Variants in ITGBL1 observed in about 807,000 individuals in gnomAD.
The protein encoded by ITGBL1 is integrin beta-like protein 1.
ITGBL1 carries 51 observed loss-of-function variants against 68.5 expected under a neutral mutation model. The observed-to-expected ratio is 0.74, with a 90% CI of 0.59 to 0.94. ITGBL1 has a LOEUF of 0.94. Among genes scored for constraint, ITGBL1 ranks in the 40% least tolerant of loss-of-function variants. The pLI, the probability that ITGBL1 is intolerant of heterozygous loss-of-function variation, is 0.00. For missense variants in ITGBL1, 649 were observed against 647.4 expected (o/e 1.00, Z -0.03); for synonymous variants, 209 against 227.3 (o/e 0.92, Z 0.72).
At chr13:101,509,809 A>G (rs2049086295) in intron 2 of ITGBL1, among the ~76,000 whole-genome samples, 1 of 152,092 alleles carries the variant, frequency 6.6e-6, no homozygotes. Flanking sequence ...AATCTCCTTG[A>G]AAAACACCAT....
intron 7 of ITGBL1, among the ~76,000 whole-genome samples, chr13:101,677,344 C>A (rs1487100923): frequency 2.0e-5 from 3 of 152,052 alleles, no homozygotes; most frequent in Admixed American, 6.6e-5. Flanking sequence ...TTATATAGTT[C>A]TTGAATTTTT....
At chr13:101,653,713 A>G (rs761349518) in intron 7 of ITGBL1, among the ~76,000 whole-genome samples, 13 of 151,090 alleles carry the variant, frequency 8.6e-5, no homozygotes, top group Non-Finnish European at 1.5e-4. Context: ...TTTTTGAGAC[A>G]GAGTCTCACT....
chr13:101,530,998 T>C (rs2049464136), intron 2 of ITGBL1, among the ~76,000 whole-genome samples: 1 of 152,192 alleles, frequency 6.6e-6, no homozygotes, highest in Admixed American at 6.5e-5. Context: ...CTTGTCTTTC[T>C]TTCTTTGAAC....
intron 3 of ITGBL1, among the ~76,000 whole-genome samples, chr13:101,571,286 G>A (rs2050267769): frequency 6.6e-6 from 1 of 151,986 alleles, no homozygotes; most frequent in South Asian, 2.1e-4. Context: ...AAAGAGATTA[G>A]GATTTGCAGT....
chr13:101,556,156 G>A (rs9518442), intron 2 of ITGBL1, among the ~76,000 whole-genome samples: 119,814 of 152,118 alleles, frequency 0.79, 47,175 homozygotes, highest in South Asian at 0.81. Flanking sequence ...AAAGGAAGAC[G>A]CAGAGATAAT....
chr13:101,627,145 T>G (rs1431614334), intron 7 of ITGBL1, among the ~76,000 whole-genome samples: 2 of 152,214 alleles, frequency 1.3e-5, no homozygotes, highest in East Asian at 3.8e-4. Flanking sequence ...TACTTTCATT[T>G]TCACTGCTTC....
chr13:101,668,551 G>C (rs1247967079), intron 7 of ITGBL1, among the ~76,000 whole-genome samples: 1 of 152,116 alleles, frequency 6.6e-6, no homozygotes, highest in Non-Finnish European at 1.5e-5. Flanking sequence ...TCCTACTTGG[G>C]TGATGAACAC....
chr13:101,481,120 A>C (rs2139038784), intron 2 of ITGBL1, among the ~76,000 whole-genome samples: 1 of 149,980 alleles, frequency 6.7e-6, no homozygotes, highest in Admixed American at 6.8e-5. Flanking sequence ...ATATACACAT[A>C]TATATACACA....
At position 101,543,850 on chromosome 13, in the gene ITGBL1, A is replaced by G. The variant is rs555193133; in HGVS notation, c.317-23849A>G. On this transcript the variant is annotated intron_variant, in intron 2 of 10. Coordinates refer to ENST00000376180, the MANE Select transcript of ITGBL1 (RefSeq NM_004791.3). ...TTTCTTCCAGTTGATCAAATCGGCT[A>G]CTGAGGCTTGTGCATTTGTCACGTA... 3.6e-3 allele frequency among the ~76,000 whole-genome samples: 554 copies of G among 152,248 alleles called. 5 individuals carry two copies. Among genetic ancestry groups the G allele is most frequent in the African/African-American group, 0.012 (511 of 41,532 alleles).
In ITGBL1 at chr13:101,692,656, T is replaced by G; in HGVS notation, c.1087T>G (p.Cys363Gly). 6.2e-7 allele frequency: 1 copy of G among 1,613,694 alleles called. No individual in the cohort carries two copies. Among genetic ancestry groups the G allele is most frequent in the South Asian group, 1.1e-5 (1 of 91,070 alleles). Residue 363 changes from cysteine (C) to glycine (G), a missense_variant, in exon 8 of 11, where the codon TGT becomes GGT. By Grantham distance (159) the Cys-to-Gly change is radical (BLOSUM62 -3). Coordinates refer to ENST00000376180, the MANE Select transcript of ITGBL1 (RefSeq NM_004791.3). ...DRRVYGKTCE[C>G]DDRRCEDLDG... ...CCGGGTGTATGGCAAGACTTGTGAGTGTGATGATCGCCGCTGTGAAGACCT... is the reference window on the plus strand; with the variant it reads ...CCGGGTGTATGGCAAGACTTGTGAGGGTGATGATCGCCGCTGTGAAGACCT...
chr13:101,489,828 A>G (rs1335572278), intron 2 of ITGBL1: 4 of 611,268 alleles, frequency 6.5e-6, no homozygotes, highest in South Asian at 2.0e-5. Context: ...GATCAAACTG[A>G]TAAAATAGCA....
At chr13:101,644,485 A>T (rs536524020) in intron 7 of ITGBL1, among the ~76,000 whole-genome samples, 2 of 152,184 alleles carry the variant, frequency 1.3e-5, no homozygotes, top group African/African-American at 2.4e-5. Flanking sequence ...ATTAAGTAGG[A>T]TATCCTCAGA....
chr13:101,602,724 T>C (rs2030461576), intron 7 of ITGBL1, among the ~76,000 whole-genome samples: 1 of 151,934 alleles, frequency 6.6e-6, no homozygotes, highest in Admixed American at 6.6e-5. Flanking sequence ...TAGCAGCCAC[T>C]CCCCATTCTC....
intron 3 of ITGBL1, among the ~76,000 whole-genome samples, chr13:101,572,919 A>C (rs770474580): frequency 2.0e-5 from 3 of 152,120 alleles, no homozygotes; most frequent in Non-Finnish European, 2.9e-5. Flanking sequence ...TACATGTATA[A>C]TATTTGTATA....
At chr13:101,591,089 G>A (rs1272978988) in intron 6 of ITGBL1, among the ~76,000 whole-genome samples, 1 of 152,148 alleles carries the variant, frequency 6.6e-6, no homozygotes, top group East Asian at 1.9e-4. Flanking sequence ...TTTTAGTAGA[G>A]ATGGGGTTTC....
chr13:101,695,357 G>T (rs548943755), intron 8 of ITGBL1, among the ~76,000 whole-genome samples: 1 of 152,144 alleles, frequency 6.6e-6, no homozygotes, highest in Admixed American at 6.5e-5. Context: ...GAACATTTGA[G>T]GACCAGAGAA....
At chr13:101,619,889 G>T (rs1354207471) in intron 7 of ITGBL1, among the ~76,000 whole-genome samples, 1 of 151,934 alleles carries the variant, frequency 6.6e-6, no homozygotes, top group Non-Finnish European at 1.5e-5. Context: ...TTCTTGCTTT[G>T]TCTTAAAATG....
At chr13:101,697,039 AT>A (rs60831726) in intron 8 of ITGBL1, among the ~76,000 whole-genome samples, 1,862 of 147,088 alleles carry the variant, frequency 0.013, 29 homozygotes, top group African/African-American at 0.036. Context: ...TATCGATTTC[AT>A]TTTTTTTTTT....
Position 101,583,311 on chromosome 13 carries a change from G to T in ITGBL1, c.823G>T (p.Asp275Tyr), listed in dbSNP as rs1422497136. 7 of 1,612,494 alleles carry T rather than the reference G, an allele frequency of 4.3e-6. No homozygotes were observed. The highest frequency in any genetic ancestry group is 5.9e-6 in the Non-Finnish European group (7 of 1,179,428). ...GGACACCTGTGAATGTGATGAGAGG[G>T]ACTGTAGAGCTGTCTATGACCGATA... ...HGDTCECDER[D>Y]CRAVYDRYSD... The change falls in exon 6 of 11, where the codon GAC becomes TAC. Residue 275 changes from aspartate (D) to tyrosine (Y), a missense_variant. Coordinates refer to ENST00000376180, the MANE Select transcript of ITGBL1 (RefSeq NM_004791.3).
Sources: gnomAD v4.1 joint callset for allele counts (sites outside exome capture counted in the v4.1 genomes callset) on GRCh38, gnomAD v4.1.1 for gene constraint, MANE v1.5 for transcripts, NCBI Gene and HGNC (gene_info 2026-07-23, HGNC 2026-07-21) for gene names.